The following IGF2BP3 variants were observed in gnomAD, a reference collection of about 807,000 sequenced individuals.
IGF2BP3 encodes the protein insulin-like growth factor 2 mRNA-binding protein 3.
In IGF2BP3, 9 loss-of-function variants were observed where a neutral mutation model predicts 73.8. The ratio of observed to expected loss-of-function variants is 0.12; its 90% confidence interval spans 0.07 to 0.21. The LOEUF is 0.21. Ranked by LOEUF, IGF2BP3 falls within the 10% of genes least tolerant of loss-of-function variation. The pLI is 1.00. For missense variants in IGF2BP3, 542 were observed against 714.0 expected, an observed-to-expected ratio of 0.76 and a Z score of 2.75; for synonymous variants, 258 against 256.7, an observed-to-expected ratio of 1.01 and a Z score of -0.05.
intron 3 of IGF2BP3, among the ~76,000 whole-genome samples, chr7:23,371,851 G>A (rs921361271): frequency 2.6e-5 from 4 of 152,152 alleles, no homozygotes; most frequent in Admixed American, 1.3e-4. Context: ...GCCTCTGAGA[G>A]AGAACAGTCC....
chr7:23,389,044 C>T (rs1169541018), intron 3 of IGF2BP3, among the ~76,000 whole-genome samples: 1 of 152,074 alleles, frequency 6.6e-6, no homozygotes, highest in Non-Finnish European at 1.5e-5. Context: ...TCAAAACGTG[C>T]ACTTTAAAGA....
chr7:23,350,677 G>C (rs1439610338), intron 6 of IGF2BP3, among the ~76,000 whole-genome samples: 1 of 144,144 alleles, frequency 6.9e-6, no homozygotes, highest in Non-Finnish European at 1.5e-5. Context: ...CAGGGCCCTG[G>C]CCTTGGCCCT....
chr7:23,351,913 G>T (rs915728280), intron 5 of IGF2BP3, among the ~76,000 whole-genome samples: 1 of 152,140 alleles, frequency 6.6e-6, no homozygotes, highest in African/African-American at 2.4e-5. Flanking sequence ...AACCCATAAG[G>T]TTACTAACGG....
At chr7:23,326,912 T>G (rs1784312372) in intron 10 of IGF2BP3, among the ~76,000 whole-genome samples, 1 of 113,442 alleles carries the variant, frequency 8.8e-6, no homozygotes, top group Non-Finnish European at 1.7e-5. Context: ...CTCTGGGGAC[T>G]GTTGTGGGGT....
chr7:23,312,215 T>G lies in IGF2BP3; in HGVS notation c.*147A>C, dbSNP rs1783851009. ...GTATACATTCTCACAGAGACAGGAG[T>G]TCAAAAGTTGCCTGGTCCTCAGAAA... On this transcript the variant is annotated 3_prime_UTR_variant, in exon 15 of 15. Transcript: ENST00000258729. The G allele has an allele frequency of 9.4e-6, 6 of 639,244 alleles. No individual in the cohort carries two copies. Among genetic ancestry groups the G allele is most frequent in the South Asian group, 3.9e-5 (2 of 51,650 alleles). The allele number at this position is 639,244 out of a possible 1,614,324, so 39.6% of individuals were successfully genotyped here.
intron 2 of IGF2BP3, among the ~76,000 whole-genome samples, chr7:23,460,093 C>T (rs925198644): frequency 1.6e-5 from 2 of 125,572 alleles, no homozygotes; most frequent in African/African-American, 6.4e-5. Flanking sequence ...ATTAGCCAGA[C>T]GAGGAGGCAT....
At chr7:23,444,018 A>C (rs564934310) in intron 2 of IGF2BP3, among the ~76,000 whole-genome samples, 126 of 152,302 alleles carry the variant, frequency 8.3e-4, no homozygotes, top group South Asian at 1.5e-3. Context: ...CAAAAAACAA[A>C]ATACAAAACA....
At chr7:23,392,531 C>T (rs867620140) in intron 3 of IGF2BP3, among the ~76,000 whole-genome samples, 1 of 151,560 alleles carries the variant, frequency 6.6e-6, no homozygotes, top group African/African-American at 2.4e-5. Context: ...CACACATACA[C>T]ACACACACAC....
chr7:23,314,400 G>A (rs1463075857), intron 12 of IGF2BP3, among the ~76,000 whole-genome samples: 2 of 151,580 alleles, frequency 1.3e-5, no homozygotes, highest in African/African-American at 4.9e-5. Flanking sequence ...TGGTCAGGCT[G>A]GTCTCGAACT....
chr7:23,447,664 C>CT (rs1280216357), intron 2 of IGF2BP3, among the ~76,000 whole-genome samples: 2 of 151,988 alleles, frequency 1.3e-5, no homozygotes, highest in Non-Finnish European at 2.9e-5. Context: ...GACCAAGGAA[C>CT]TGTCCCAGAT....
intron 3 of IGF2BP3, chr7:23,402,847 G>C (rs1039490645): frequency 6.6e-6 from 1 of 152,180 alleles, no homozygotes; most frequent in African/African-American, 2.4e-5. Context: ...AGCTAAGGAA[G>C]GAATGATTTA....
chr7:23,469,437 A>C lies in IGF2BP3; in HGVS notation c.175+499T>G, dbSNP rs1788653790. 1 of 152,354 alleles carries C rather than the reference A, an allele frequency of 6.6e-6. No homozygotes were observed. Among genetic ancestry groups the C allele is most frequent in the Non-Finnish European group, 1.5e-5 (1 of 68,188 alleles). The allele number at this position is 152,354 out of a possible 1,614,324, so 9.4% of individuals were successfully genotyped here. ...AAGCGCGGGGCCGCCTGTGCGAGGC[A>C]CCAGCCTCGCGGTCTCACTCGGCAG... is the stretch of plus-strand genomic sequence containing the variant. On this transcript the variant is annotated intron_variant, in intron 1 of 14. Coordinates refer to ENST00000258729, the MANE Select transcript of IGF2BP3 (RefSeq NM_006547.3). This position sits in a 1 kb window ranked among gnomAD's most constrained non-coding sequence, Gnocchi z 6.1.
intron 3 of IGF2BP3, among the ~76,000 whole-genome samples, chr7:23,408,079 A>G (rs1284208994): frequency 1.3e-5 from 2 of 152,124 alleles, no homozygotes. Flanking sequence ...GATTGTCAAC[A>G]AACTAGAAAC....
chr7:23,431,564 A>G (rs1787677381), intron 2 of IGF2BP3, among the ~76,000 whole-genome samples: 1 of 152,198 alleles, frequency 6.6e-6, no homozygotes, highest in South Asian at 2.1e-4. Context: ...CAGGTACACT[A>G]AAGAAAAGCA....
Position 23,315,826 on chromosome 7 carries a change from C to G in IGF2BP3, c.1395+1813G>C, listed in dbSNP as rs185542620. On this transcript the variant is annotated intron_variant, in intron 12 of 14. Coordinates refer to ENST00000258729, the MANE Select transcript of IGF2BP3 (RefSeq NM_006547.3). The stretch of plus-strand genomic sequence containing the variant: ...CCTTAGATCTCTAAAGTAAAACATT[C>G]ATTTAGCATTGTCACCAATCACATA... Among the ~76,000 whole-genome samples, 5 of 152,192 alleles carry G rather than the reference C, an allele frequency of 3.3e-5. No individual in the cohort carries two copies. In the East Asian group the frequency reaches 9.6e-4, roughly 29 times the overall value.
intron 9 of IGF2BP3, among the ~76,000 whole-genome samples, chr7:23,343,009 T>C (rs903633345): frequency 6.6e-6 from 1 of 152,170 alleles, no homozygotes; most frequent in Non-Finnish European, 1.5e-5. Context: ...ACTGGCCCAA[T>C]TGAAAAAAAA....
At chr7:23,350,622 A>T (rs974300426) in intron 6 of IGF2BP3, among the ~76,000 whole-genome samples, 3 of 152,250 alleles carry the variant, frequency 2.0e-5, no homozygotes, top group African/African-American at 4.8e-5. Context: ...TAATTCACAT[A>T]CAGTCATTTT....
At chr7:23,410,049 A>C in intron 3 of IGF2BP3, among the ~76,000 whole-genome samples, 1 of 152,010 alleles carries the variant, frequency 6.6e-6, no homozygotes, top group Non-Finnish European at 1.5e-5. Flanking sequence ...GGCGCCTGTA[A>C]TCCCAGCTAC....
At chr7:23,447,173 C>A (rs1788086114) in intron 2 of IGF2BP3, among the ~76,000 whole-genome samples, 1 of 151,860 alleles carries the variant, frequency 6.6e-6, no homozygotes, top group African/African-American at 2.4e-5. Context: ...TGCACTCCAG[C>A]CTGGTCGACA....
Sources: gnomAD v4.1 joint callset for allele counts (sites outside exome capture counted in the v4.1 genomes callset) on GRCh38, gnomAD v4.1.1 for gene constraint, Gnocchi (gnomAD v3.1) non-coding constraint, MANE v1.5 for transcripts, NCBI Gene and HGNC (gene_info 2026-07-23, HGNC 2026-07-21) for gene names.